Variants in ILRUN observed in about 807,000 individuals in gnomAD.
ILRUN encodes protein ILRUN.
In ILRUN, 3 loss-of-function variants were observed where a neutral mutation model predicts 33.8. The ratio of observed to expected loss-of-function variants is 0.09; its 90% CI spans 0.04 to 0.23. ILRUN has a LOEUF of 0.23. Among genes scored for constraint, ILRUN ranks in the 10% least tolerant of loss-of-function variants. ILRUN has a pLI of 1.00. For synonymous variants in ILRUN, 124 were observed against 138.9 expected (o/e 0.89, Z 0.75); for missense variants, 210 against 375.1 (o/e 0.56, Z 3.64).
At chr6:34,617,973 A>G (rs1046972015) in intron 3 of ILRUN, among the ~76,000 whole-genome samples, 20 of 152,254 alleles carry the variant, frequency 1.3e-4, no homozygotes, top group African/African-American at 4.8e-4. Context: ...CTATTTCACA[A>G]TTTTTCCACA....
At chr6:34,683,443 T>TATATATATAC (rs1447179709) in intron 1 of ILRUN, among the ~76,000 whole-genome samples, 3 of 73,312 alleles carry the variant, frequency 4.1e-5, no homozygotes, top group East Asian at 6.2e-4. Flanking sequence ...TATATATACA[T>TATATATATAC]ATATATATAC....
chr6:34,596,032 G>A, intron 4 of ILRUN: 1 of 709,504 alleles, frequency 1.4e-6, no homozygotes, highest in Non-Finnish European at 1.7e-6. Context: ...GTGAGGCCCT[G>A]CTCACAGGCC....
intron 1 of ILRUN, among the ~76,000 whole-genome samples, chr6:34,696,042 A>AC (rs1463962064): frequency 6.6e-6 from 1 of 151,020 alleles, no homozygotes; most frequent in Non-Finnish European, 1.5e-5. Context: ...CCAAACCCCA[A>AC]CCTTTTTCCC....
At chr6:34,611,631 A>C (rs1257977142) in intron 3 of ILRUN, among the ~76,000 whole-genome samples, 1 of 152,200 alleles carries the variant, frequency 6.6e-6, no homozygotes, top group Non-Finnish European at 1.5e-5. Context: ...GACCATTCCC[A>C]ATTCTTACCA....
intron 4 of ILRUN, among the ~76,000 whole-genome samples, chr6:34,604,945 T>C (rs1313497258): frequency 6.6e-6 from 1 of 152,238 alleles, no homozygotes; most frequent in East Asian, 1.9e-4. Flanking sequence ...TCTTTCCTAC[T>C]AGACCATGTG....
intron 1 of ILRUN, among the ~76,000 whole-genome samples, chr6:34,692,366 G>A (rs868394991): frequency 1.6e-4 from 24 of 152,130 alleles, no homozygotes; most frequent in Non-Finnish European, 2.6e-4. Flanking sequence ...ATTACAACCC[G>A]AAGCAGGCAC....
At chr6:34,617,315 C>T in intron 3 of ILRUN, 1 of 311,080 alleles carries the variant, frequency 3.2e-6, no homozygotes, top group South Asian at 3.0e-5. Context: ...TATGCGCTCT[C>T]AAATTGAAAA....
rs560585854 is a variant in ILRUN at position 34,620,442 on chromosome 6, G to C, written c.512-13538C>G. Among the ~76,000 whole-genome samples the C allele has an allele frequency of 1.6e-3, 251 of 152,144 alleles. 1 individual carries two copies. Among genetic ancestry groups the C allele is most frequent in the African/African-American group, 5.7e-3 (235 of 41,486 alleles). The stretch of plus-strand genomic sequence containing the variant: ...TGTTAAGGGTAACGTCTGAGGATCG[G>C]GTATGTCTAATTTAACCTGGAGAAC... On this transcript the variant is annotated intron_variant, in intron 3 of 4. Coordinates refer to ENST00000374023, the MANE Select transcript of ILRUN (RefSeq NM_024294.4).
At chr6:34,593,045 G>A (rs1163938211) in intron 4 of ILRUN, among the ~76,000 whole-genome samples, 3 of 151,844 alleles carry the variant, frequency 2.0e-5, no homozygotes, top group Non-Finnish European at 4.4e-5. Flanking sequence ...TGGACATGGC[G>A]ACGCATGGCT....
intron 3 of ILRUN, among the ~76,000 whole-genome samples, chr6:34,608,032 G>A (rs1419739224): frequency 6.6e-6 from 1 of 151,868 alleles, no homozygotes; most frequent in Non-Finnish European, 1.5e-5. Flanking sequence ...GGTAGAGGCT[G>A]CAGTGAGCTG....
At chr6:34,678,539 C>T (rs1006091286) in intron 1 of ILRUN, among the ~76,000 whole-genome samples, 2 of 151,546 alleles carry the variant, frequency 1.3e-5, no homozygotes, top group African/African-American at 4.9e-5. Flanking sequence ...ATTACTTTTA[C>T]AATTGAGTAT....
At chr6:34,630,275 T>C (rs1234514628) in intron 3 of ILRUN, among the ~76,000 whole-genome samples, 1 of 152,198 alleles carries the variant, frequency 6.6e-6, no homozygotes, top group Non-Finnish European at 1.5e-5. Flanking sequence ...TTCTGGAATT[T>C]TCCATCTGAT....
At chr6:34,667,615 A>G (rs1383463046) in intron 1 of ILRUN, among the ~76,000 whole-genome samples, 3 of 152,214 alleles carry the variant, frequency 2.0e-5, no homozygotes, top group Non-Finnish European at 4.4e-5. Context: ...ACAGGTGGAC[A>G]CTATCTTAAC....
chr6:34,624,052 G>C (rs1344108700), intron 3 of ILRUN, among the ~76,000 whole-genome samples: 2 of 152,102 alleles, frequency 1.3e-5, no homozygotes, highest in African/African-American at 4.8e-5. Context: ...GGCTGGTCTT[G>C]AACTCCTGAC....
At chr6:34,605,612 G>C (rs551351894) in intron 4 of ILRUN, among the ~76,000 whole-genome samples, 66 of 152,284 alleles carry the variant, frequency 4.3e-4, no homozygotes, top group African/African-American at 1.5e-3. Context: ...CTGGGTGACA[G>C]AGCAAGACTC....
In ILRUN at chr6:34,683,494, A is replaced by ACG. The variant is rs1562033210; in HGVS notation, c.158+12951_158+12952insCG. Among the ~76,000 whole-genome samples the ACG allele has an allele frequency of 8.6e-4, 80 of 93,446 alleles. 2 individuals are homozygous for ACG. The highest frequency in any genetic ancestry group is 3.1e-3 in the African/African-American group (47 of 15,348). The allele number at this position is 93,446 out of a possible 152,430, so 61.3% of individuals were successfully genotyped here. A position where few individuals can be genotyped will look rare whatever the true frequency, so the allele number is the denominator to read the frequency against. On this transcript the variant is annotated intron_variant, in intron 1 of 4. Transcript: ENST00000374023. The stretch of plus-strand genomic sequence containing the variant: ...TATACACATATATATATACATATAT[A>ACG]TATACATATATATATATATACATAT...
intron 3 of ILRUN, among the ~76,000 whole-genome samples, chr6:34,637,837 T>C (rs183483324): frequency 1.5e-4 from 20 of 129,872 alleles, no homozygotes; most frequent in African/African-American, 6.6e-4. Flanking sequence ...CACATTGCTG[T>C]TGTTGTTGCT....
chr6:34,683,474 A>ATGTG (rs1468121799), intron 1 of ILRUN, among the ~76,000 whole-genome samples: 5 of 72,020 alleles, frequency 6.9e-5, no homozygotes, highest in African/African-American at 1.2e-4. Context: ...ATATATATAC[A>ATGTG]CATATATATA....
At chr6:34,680,034 C>G (rs1378564054) in intron 1 of ILRUN, among the ~76,000 whole-genome samples, 1 of 152,248 alleles carries the variant, frequency 6.6e-6, no homozygotes, top group African/African-American at 2.4e-5. Context: ...TAGGTTTAAG[C>G]CACCCAGTTT....
Sources: gnomAD v4.1 joint callset for allele counts (sites outside exome capture counted in the v4.1 genomes callset) on GRCh38, gnomAD v4.1.1 for gene constraint, MANE v1.5 for transcripts, NCBI Gene and HGNC (gene_info 2026-07-23, HGNC 2026-07-21) for gene names.